TNIK: variants seen among roughly 807,000 people sequenced by gnomAD.
The protein encoded by TNIK is TRAF2 and NCK interacting kinase, also known as TRAF2 and NCK-interacting protein kinase.
In TNIK, 49 loss-of-function variants were observed where a neutral mutation model predicts 191.3. The ratio of observed to expected loss-of-function variants is 0.26; its 90% CI spans 0.20 to 0.32. TNIK has a LOEUF of 0.32. TNIK is among the 10% of genes least tolerant of loss of function. The pLI, the probability that TNIK is intolerant of heterozygous loss-of-function variation, is 1.00. For synonymous variants in TNIK, 594 were observed against 600.9 expected (o/e 0.99, Z 0.17); for missense variants, 1,155 against 1,702.3 (o/e 0.68, Z 5.66).
intron 2 of TNIK, among the ~76,000 whole-genome samples, chr3:171,256,466 G>A (rs1746887139): frequency 6.6e-6 from 1 of 152,098 alleles, no homozygotes; most frequent in Admixed American, 6.6e-5. Context: ...AGATGCCTGG[G>A]GAACTCTTTT....
At chr3:171,081,118 T>A (rs1313724423) in intron 27 of TNIK, among the ~76,000 whole-genome samples, 1 of 152,140 alleles carries the variant, frequency 6.6e-6, no homozygotes, top group Non-Finnish European at 1.5e-5. Flanking sequence ...TTTGATTTGG[T>A]AGTATAGCAA....
intron 21 of TNIK, among the ~76,000 whole-genome samples, chr3:171,104,702 T>A (rs1020822833): frequency 4.6e-5 from 7 of 151,976 alleles, no homozygotes; most frequent in Non-Finnish European, 8.8e-5. Context: ...GTTTAAAAAT[T>A]TTTAGCTTTT....
intron 1 of TNIK, among the ~76,000 whole-genome samples, chr3:171,389,265 A>G (rs1719139673): frequency 2.6e-5 from 4 of 151,786 alleles, no homozygotes; most frequent in Admixed American, 1.3e-4. Flanking sequence ...CAATGGAAGT[A>G]CCAGAAACTG....
Position 171,328,660 on chromosome 3 carries a change from C to T in TNIK, c.123+40960G>A, listed in dbSNP as rs138549755. ...GCATAAAGCCGAATGCCTGAAATAC[C>T]TACCAGTGAGAAGGATTTAAATGTT... On this transcript the variant is annotated intron_variant, in intron 2 of 32. Coordinates refer to ENST00000436636, the MANE Select transcript of TNIK (RefSeq NM_015028.4). Among the ~76,000 whole-genome samples, 314 of 152,314 alleles carry T rather than the reference C, an allele frequency of 2.1e-3. 1 individual carries two copies. Among genetic ancestry groups the T allele is most frequent in the African/African-American group, 7.0e-3 (289 of 41,576 alleles).
chr3:171,395,962 A>C (rs1720181560), intron 1 of TNIK, among the ~76,000 whole-genome samples: 1 of 152,182 alleles, frequency 6.6e-6, no homozygotes, highest in South Asian at 2.1e-4. Flanking sequence ...CATAAACCAT[A>C]CAATCATCCA....
chr3:171,165,184 C>T (rs548729124), intron 10 of TNIK, among the ~76,000 whole-genome samples: 2 of 151,996 alleles, frequency 1.3e-5, no homozygotes, highest in Non-Finnish European at 2.9e-5. Context: ...GTAGTCCCAG[C>T]TACTTGGGAG....
intron 1 of TNIK, among the ~76,000 whole-genome samples, chr3:171,389,255 C>A (rs1719139010): frequency 6.6e-6 from 1 of 151,966 alleles, no homozygotes; most frequent in South Asian, 2.1e-4. Flanking sequence ...GTGACTTCTG[C>A]AATGGAAGTA....
intron 1 of TNIK, among the ~76,000 whole-genome samples, chr3:171,454,071 C>G (rs1035731494): frequency 6.6e-6 from 1 of 152,178 alleles, no homozygotes; most frequent in African/African-American, 2.4e-5. Context: ...GCTAACAAAC[C>G]AGTTTAGGCC....
chr3:171,424,532 A>G (rs140763437), intron 1 of TNIK, among the ~76,000 whole-genome samples: 17 of 152,282 alleles, frequency 1.1e-4, no homozygotes, highest in Non-Finnish European at 2.2e-4. Flanking sequence ...ACACATGCAC[A>G]CGGATGTTTA....
intron 1 of TNIK, among the ~76,000 whole-genome samples, chr3:171,378,439 T>C (rs1369578212): frequency 6.6e-6 from 1 of 152,206 alleles, no homozygotes; most frequent in Non-Finnish European, 1.5e-5. Flanking sequence ...CTTGATATAA[T>C]AATTAATATA....
intron 2 of TNIK, among the ~76,000 whole-genome samples, chr3:171,300,213 G>A (rs1164882791): frequency 1.3e-5 from 2 of 152,184 alleles, no homozygotes; most frequent in African/African-American, 4.8e-5. Flanking sequence ...ACATTTATAA[G>A]TAACTTTATG....
At chr3:171,341,933 C>T (rs1371718440) in intron 2 of TNIK, among the ~76,000 whole-genome samples, 1 of 152,156 alleles carries the variant, frequency 6.6e-6, no homozygotes, top group Non-Finnish European at 1.5e-5. Flanking sequence ...TACCCCATCC[C>T]AAAGTAATAT....
chr3:171,193,276 T>C (rs1738278692), intron 5 of TNIK, among the ~76,000 whole-genome samples: 1 of 152,230 alleles, frequency 6.6e-6, no homozygotes, highest in Non-Finnish European at 1.5e-5. Context: ...TTCTTCAAGA[T>C]TGCCTTGGTT....
At chr3:171,199,687 T>C (rs909197278) in intron 4 of TNIK, among the ~76,000 whole-genome samples, 12 of 152,224 alleles carry the variant, frequency 7.9e-5, no homozygotes, top group Non-Finnish European at 1.5e-4. Flanking sequence ...CTTGGGTATG[T>C]TCCCTAACCA....
At chr3:171,249,927 G>A (rs1263603035) in intron 2 of TNIK, among the ~76,000 whole-genome samples, 1 of 152,124 alleles carries the variant, frequency 6.6e-6, no homozygotes, top group Non-Finnish European at 1.5e-5. Flanking sequence ...TCAGGCTAAG[G>A]TTTTACATGA....
intron 2 of TNIK, among the ~76,000 whole-genome samples, chr3:171,282,341 G>GTTTTTTTTTTT (rs869305605): frequency 4.1e-4 from 33 of 79,960 alleles, no homozygotes; most frequent in African/African-American, 1.3e-3. Context: ...ATGGTTTTTT[G>GTTTTTTTTTTT]TTTTTTTTTT....
intron 2 of TNIK, among the ~76,000 whole-genome samples, chr3:171,243,107 A>G (rs1053486167): frequency 6.6e-6 from 1 of 152,208 alleles, no homozygotes; most frequent in Non-Finnish European, 1.5e-5. Flanking sequence ...AAATAGAAAT[A>G]CTTGTTATGC....
chr3:171,405,481 A>G (rs981490704), intron 1 of TNIK, among the ~76,000 whole-genome samples: 1 of 149,608 alleles, frequency 6.7e-6, no homozygotes, highest in Admixed American at 6.7e-5. Flanking sequence ...CTGTGGAAAC[A>G]AGACAACTCT....
intron 23 of TNIK, among the ~76,000 whole-genome samples, chr3:171,091,738 A>AAAT (rs71176591): frequency 3.2e-3 from 487 of 151,372 alleles, no homozygotes; most frequent in Non-Finnish European, 4.6e-3. Flanking sequence ...CCATCTCCAA[A>AAAT]AATAATAATA....
Sources: gnomAD v4.1 joint callset for allele counts (sites outside exome capture counted in the v4.1 genomes callset) on GRCh38, gnomAD v4.1.1 for gene constraint, MANE v1.5 for transcripts, NCBI Gene and HGNC (gene_info 2026-07-23, HGNC 2026-07-21) for gene names.